Variants in ZSCAN25 observed in about 807,000 individuals in gnomAD.
The protein encoded by ZSCAN25 is zinc finger and SCAN domain-containing protein 25.
A neutral mutation model predicts 38.7 loss-of-function variants in ZSCAN25; 27 were observed. That is an observed-to-expected ratio of 0.70 (90% confidence interval 0.51 to 0.96). The LOEUF (loss-of-function observed/expected upper bound fraction) is 0.96, where lower values mean the gene tolerates loss of function less well. Among genes scored for constraint, ZSCAN25 ranks in the 40% least tolerant of loss-of-function variants. The pLI, the probability that ZSCAN25 is intolerant of heterozygous loss-of-function variation, is 0.00. For missense variants in ZSCAN25, 637 were observed against 705.9 expected, an observed-to-expected ratio of 0.90 and a Z score of 1.11; for synonymous variants, 273 against 277.7, an observed-to-expected ratio of 0.98 and a Z score of 0.17.
At chr7:99,652,562 C>A in the ZSCAN25 span, 5 of 1,606,252 alleles carry the variant, frequency 3.1e-6, no homozygotes, top group Non-Finnish European at 4.3e-6. Context: ...CCTTTCAGGG[C>A]GGAACTCCTC....
At chr7:99,655,934 C>G in the ZSCAN25 span, among the ~76,000 whole-genome samples, 9,105 of 152,222 alleles carry the variant, frequency 0.06, 553 homozygotes, top group East Asian at 0.25. Context: ...GATTTTGTAT[C>G]CTGATACTTT....
chr7:99,706,824 C>G, the ZSCAN25 span, among the ~76,000 whole-genome samples: 6 of 152,296 alleles, frequency 3.9e-5, no homozygotes, highest in African/African-American at 1.4e-4. Context: ...AAACATTTAC[C>G]AAATGACCAA....
At chr7:99,635,921 C>A (rs1486962296), downstream of ZSCAN25, among the ~76,000 whole-genome samples, 3 of 151,914 alleles carry the variant, frequency 2.0e-5, no homozygotes, top group Admixed American at 2.0e-4. Context: ...GTGGCGGGCC[C>A]CTGTAGTCCC....
the ZSCAN25 span, among the ~76,000 whole-genome samples, chr7:99,653,511 A>G: frequency 6.6e-6 from 1 of 152,104 alleles, no homozygotes; most frequent in African/African-American, 2.4e-5. The surrounding 1 kb of genome is among the most constrained non-coding windows in gnomAD (Gnocchi z 4.2). Context: ...GTTCCTTTCT[A>G]TCACAAATAC....
At chr7:99,699,363 T>A in the ZSCAN25 span, among the ~76,000 whole-genome samples, 4 of 152,096 alleles carry the variant, frequency 2.6e-5, 1 homozygote, top group Admixed American at 2.6e-4. Flanking sequence ...GAGGGGATGT[T>A]TTGGGACATG....
the ZSCAN25 span, chr7:99,652,613 G>C: frequency 6.2e-7 from 1 of 1,614,060 alleles, no homozygotes; most frequent in Non-Finnish European, 8.5e-7. Flanking sequence ...AAGAGCATAA[G>C]TTGGAATCAC....
At chr7:99,714,378 C>T in the ZSCAN25 span, among the ~76,000 whole-genome samples, 3,236 of 152,236 alleles carry the variant, frequency 0.021, 53 homozygotes, top group Non-Finnish European at 0.032. Context: ...CTCATATCTC[C>T]TTCCTCAAAC....
chr7:99,643,116 A>C, the ZSCAN25 span, among the ~76,000 whole-genome samples: 4 of 152,182 alleles, frequency 2.6e-5, no homozygotes, highest in Non-Finnish European at 2.9e-5. Flanking sequence ...TGAAGTAGAA[A>C]TAAAAATTCT....
chr7:99,628,435 C>T (rs963420310), intron 7 of ZSCAN25, among the ~76,000 whole-genome samples: 1 of 152,138 alleles, frequency 6.6e-6, no homozygotes, highest in African/African-American at 2.4e-5. Flanking sequence ...CTTCCATAAA[C>T]ACCTGTTCCG....
the ZSCAN25 span, among the ~76,000 whole-genome samples, chr7:99,682,176 G>A: frequency 3.3e-5 from 5 of 152,072 alleles, no homozygotes; most frequent in Non-Finnish European, 4.4e-5. Context: ...CACCATGTTG[G>A]CCAGGCTGGT....
chr7:99,689,027 G>GGGA, the ZSCAN25 span, among the ~76,000 whole-genome samples: 1 of 152,156 alleles, frequency 6.6e-6, no homozygotes, highest in Non-Finnish European at 1.5e-5. Context: ...AGTATGTAGA[G>GGGA]GGAAATTTAT....
chr7:99,647,598 A>G, the ZSCAN25 span: 5 of 985,298 alleles, frequency 5.1e-6, no homozygotes, highest in Non-Finnish European at 6.0e-6. Context: ...TAATAATATG[A>G]TAAGTGCTTC....
the ZSCAN25 span, among the ~76,000 whole-genome samples, chr7:99,653,842 G>A: frequency 1.3e-5 from 2 of 152,238 alleles, no homozygotes; most frequent in African/African-American, 4.8e-5. The surrounding 1 kb of genome is among the most constrained non-coding windows in gnomAD (Gnocchi z 4.2). Context: ...GTATTGTAGA[G>A]GGTTAGAGTT....
chr7:99,619,948 C>G lies in ZSCAN25; in HGVS notation c.342C>G (p.Ala114=). 1 of 1,614,108 alleles carries G rather than the reference C, an allele frequency of 6.2e-7. No individual in the cohort carries two copies. The highest frequency in any genetic ancestry group is 1.1e-5 in the South Asian group (1 of 91,080). The change falls in exon 4 of 8, where the codon GCC becomes GCG. Residue 114 remains alanine (A), a synonymous_variant. Transcript: ENST00000394152. ...EHGPESGKAL[A]AMVEDLTERA... The stretch of plus-strand genomic sequence containing the variant: ...GCCCAGAGAGTGGCAAGGCCCTGGC[C>G]GCCATGGTGGAGGACCTGACAGAAA...
At chr7:99,723,603 G>C in the ZSCAN25 span, among the ~76,000 whole-genome samples, 1 of 152,212 alleles carries the variant, frequency 6.6e-6, no homozygotes, top group South Asian at 2.1e-4. Flanking sequence ...GGGACAGGGG[G>C]ACTCCTTCGG....
intron 7 of ZSCAN25, among the ~76,000 whole-genome samples, chr7:99,628,744 C>T (rs991413324): frequency 8.5e-5 from 13 of 152,218 alleles, no homozygotes; most frequent in African/African-American, 3.1e-4. Flanking sequence ...GAGCTGTGTG[C>T]TGCCCTGTGC....
At chr7:99,721,306 T>G in the ZSCAN25 span, among the ~76,000 whole-genome samples, 2 of 152,036 alleles carry the variant, frequency 1.3e-5, no homozygotes, top group Non-Finnish European at 2.9e-5. Flanking sequence ...ATAGAAAGTT[T>G]AAAAAAAAGA....
At chr7:99,658,737 G>T in the ZSCAN25 span, 3 of 152,120 alleles carry the variant, frequency 2.0e-5, no homozygotes, top group East Asian at 1.9e-4. Flanking sequence ...CGTAGATTTG[G>T]TCTTTTCACA....
the ZSCAN25 span, among the ~76,000 whole-genome samples, chr7:99,719,974 G>T: frequency 4.6e-5 from 7 of 152,240 alleles, no homozygotes; most frequent in East Asian, 1.4e-3. Flanking sequence ...TCCCATTTGG[G>T]TGACAGAGTG....
Sources: gnomAD v4.1 joint callset for allele counts (sites outside exome capture counted in the v4.1 genomes callset) on GRCh38, gnomAD v4.1.1 for gene constraint, Gnocchi (gnomAD v3.1) non-coding constraint, MANE v1.5 for transcripts, NCBI Gene and HGNC (gene_info 2026-07-23, HGNC 2026-07-21) for gene names.